LCOR: variants seen among roughly 807,000 people sequenced by gnomAD.
The protein encoded by LCOR is ligand dependent nuclear receptor corepressor.
LCOR carries 14 observed loss-of-function variants against 64.4 expected under a neutral mutation model. The ratio of observed to expected loss-of-function variants is 0.22; its 90% CI spans 0.14 to 0.34. LCOR has a LOEUF of 0.34. LCOR is among the 10% of genes least tolerant of loss of function. The pLI is 1.00. For missense variants in LCOR, 1,686 were observed against 1,765.3 expected (o/e 0.96, Z 0.80); for synonymous variants, 643 against 642.5 (o/e 1.00, Z -0.01).
At chr10:96,880,378 T>C (rs368118253) in intron 2 of LCOR, among the ~76,000 whole-genome samples, 1 of 152,164 alleles carries the variant, frequency 6.6e-6, no homozygotes, top group South Asian at 2.1e-4. Flanking sequence ...GTTTAGGTTA[T>C]CTATATTCCT....
At chr10:96,851,088 T>G (rs946224974) in intron 2 of LCOR, among the ~76,000 whole-genome samples, 5 of 152,252 alleles carry the variant, frequency 3.3e-5, no homozygotes, top group Non-Finnish European at 7.3e-5. Flanking sequence ...AGTCCATTAT[T>G]ACGCTAACAG....
intron 7 of LCOR, among the ~76,000 whole-genome samples, chr10:96,952,449 A>G (rs1034944679): frequency 1.3e-5 from 2 of 152,190 alleles, no homozygotes; most frequent in Non-Finnish European, 2.9e-5. Flanking sequence ...TTGTTGTGGC[A>G]TGTTTTGGAG....
At chr10:96,956,835 C>T (rs1479489809) in intron 7 of LCOR, 1 of 985,476 alleles carries the variant, frequency 1.0e-6, no homozygotes, top group African/African-American at 1.7e-5. Flanking sequence ...AGTCCTTTTA[C>T]AGAATTGATG....
intron 2 of LCOR, among the ~76,000 whole-genome samples, chr10:96,890,785 A>G (rs542323221): frequency 4.6e-5 from 7 of 152,286 alleles, no homozygotes; most frequent in Middle Eastern, 6.8e-3. Flanking sequence ...TGCTTTTCCT[A>G]TGTCAACTGA....
intron 4 of LCOR, among the ~76,000 whole-genome samples, chr10:96,935,757 C>T (rs1054664059): frequency 3.3e-5 from 5 of 152,200 alleles, no homozygotes; most frequent in African/African-American, 1.2e-4. Context: ...TGGCCTTAGC[C>T]CAGGAAGGCA....
At chr10:96,907,220 GAA>G in intron 2 of LCOR, 43 bp from the exon 3 acceptor site, 1 of 604,714 alleles carries the variant, frequency 1.7e-6, no homozygotes. Flanking sequence ...TTCAATACTA[GAA>G]TGAATATTAT....
intron 7 of LCOR, 147 bp downstream of exon 7, chr10:96,952,343 CTG>C: frequency 1.7e-6 from 1 of 590,214 alleles, no homozygotes; most frequent in Non-Finnish European, 3.0e-6. Context: ...AAAATATAAT[CTG>C]TGCAATGTAA....
In LCOR at chr10:96,957,399, C is replaced by T. The variant is rs966872838; in HGVS notation, c.332+5203C>T. On this transcript the variant is annotated intron_variant, in intron 7 of 7. Transcript: ENST00000421806. ...TATAATAAGGGAAGTTTATTTTCTG[C>T]GGTTTTTGCAAGAATAAGCAAAGCC... The T allele has an allele frequency of 1.8e-5, 18 of 984,946 alleles. No individual in the cohort carries two copies. The African/African-American group carries it at 2.1e-4, about 11-fold the overall frequency. 61.0% of individuals were successfully genotyped at this position (984,946 alleles called of 1,614,324 possible).
intron 2 of LCOR, among the ~76,000 whole-genome samples, chr10:96,892,800 T>G (rs543927095): frequency 6.6e-6 from 1 of 152,330 alleles, no homozygotes; most frequent in South Asian, 2.1e-4. Context: ...TTCTTTCACC[T>G]TCAACCTCTT....
At chr10:96,870,553 T>C (rs1406778798) in intron 2 of LCOR, among the ~76,000 whole-genome samples, 1 of 152,228 alleles carries the variant, frequency 6.6e-6, no homozygotes, top group Non-Finnish European at 1.5e-5. Context: ...TCTTGTAGAC[T>C]AATTTCAAGT....
chr10:96,858,978 C>T (rs570730013), intron 2 of LCOR, among the ~76,000 whole-genome samples: 3 of 152,232 alleles, frequency 2.0e-5, no homozygotes, highest in South Asian at 4.1e-4. Context: ...CTCAACCATA[C>T]GGCACATTGC....
At chr10:96,840,504 A>G (rs1238082062) in intron 2 of LCOR, among the ~76,000 whole-genome samples, 6 of 152,248 alleles carry the variant, frequency 3.9e-5, no homozygotes, top group African/African-American at 2.4e-5. Context: ...AAAGAAAAAA[A>G]TGATGGCTGT....
intron 4 of LCOR, among the ~76,000 whole-genome samples, chr10:96,931,502 T>C (rs1847260568): frequency 6.6e-6 from 1 of 152,172 alleles, no homozygotes; most frequent in African/African-American, 2.4e-5. Flanking sequence ...CCCAAAGTGC[T>C]GGGATTAACA....
rs1243584760 is a variant in LCOR, at chr10:96,991,702, A to G, written c.*6568A>G. ...TTAAAAATACCAGCATGTCTGTGGC[A>G]TCTTGTCAGGACACCGGCAGCTTTA... is the stretch of plus-strand genomic sequence containing the variant. On this transcript the variant is annotated 3_prime_UTR_variant, in exon 8 of 8. Transcript: ENST00000421806. 1 of 152,210 alleles carries G rather than the reference A, an allele frequency of 6.6e-6. No individual in the cohort carries two copies. Among genetic ancestry groups the G allele is most frequent in the African/African-American group, 2.4e-5 (1 of 41,436 alleles). 9.4% of individuals were successfully genotyped at this position (152,210 alleles called of 1,614,324 possible).
chr10:96,872,191 C>CT (rs1266370658), intron 2 of LCOR, among the ~76,000 whole-genome samples: 1 of 152,248 alleles, frequency 6.6e-6, no homozygotes, highest in Non-Finnish European at 1.5e-5. Context: ...GGTGTGAACT[C>CT]TATTGTGAGG....
intron 4 of LCOR, among the ~76,000 whole-genome samples, chr10:96,936,512 T>C (rs1292907680): frequency 6.6e-6 from 1 of 151,984 alleles, no homozygotes; most frequent in Non-Finnish European, 1.5e-5. Flanking sequence ...AATAGAAGAC[T>C]CAAGTTACTA....
rs975321134 is a variant in LCOR, at chr10:96,993,811, C to T, written c.*8677C>T. ...GATAAACTGGTCAGTGGTCAGTACTCAGATCTGCAGAGCAGATTTCCAGAT... is the reference window on the plus strand; with the variant it reads ...GATAAACTGGTCAGTGGTCAGTACTTAGATCTGCAGAGCAGATTTCCAGAT... On this transcript the variant is annotated 3_prime_UTR_variant, in exon 8 of 8. Transcript: ENST00000421806. The T allele has an allele frequency of 6.6e-6, 1 of 150,902 alleles. No homozygotes were observed. Among genetic ancestry groups the T allele is most frequent in the African/African-American group, 2.4e-5 (1 of 41,140 alleles). 9.3% of individuals were successfully genotyped at this position (150,902 alleles called of 1,614,324 possible).
At chr10:96,847,241 C>T (rs1845644706) in intron 2 of LCOR, among the ~76,000 whole-genome samples, 2 of 151,026 alleles carry the variant, frequency 1.3e-5, no homozygotes, top group Non-Finnish European at 2.9e-5. Flanking sequence ...CAGTCCCTGT[C>T]TCAAAAAATG....
chr10:96,867,825 TG>T (rs1340877097), intron 2 of LCOR, among the ~76,000 whole-genome samples: 2 of 152,114 alleles, frequency 1.3e-5, no homozygotes, highest in Non-Finnish European at 1.5e-5. Context: ...TAGAATATTT[TG>T]TCTGTTTTTT....
Sources: allele counts gnomAD v4.1 joint callset (sites outside exome capture counted in the v4.1 genomes callset), GRCh38; gene constraint gnomAD v4.1.1; transcripts MANE v1.5; gene names NCBI Gene and HGNC (gene_info 2026-07-23, HGNC 2026-07-21).